Variants in AGAP4 observed in about 807,000 individuals in gnomAD.
The protein encoded by AGAP4 is ArfGAP with GTPase domain, ankyrin repeat and PH domain 4.
In AGAP4, 13 loss-of-function variants were observed where a neutral mutation model predicts 60.7. That is an observed-to-expected ratio of 0.21 (90% CI 0.14 to 0.34). The LOEUF (loss-of-function observed/expected upper bound fraction) is 0.34. Ranked by LOEUF, AGAP4 falls within the 10% of genes least tolerant of loss-of-function variation. The pLI is 1.00. For synonymous variants in AGAP4, 70 were observed against 339.0 expected, an observed-to-expected ratio of 0.21 and a Z score of 8.72; for missense variants, 169 against 884.0, an observed-to-expected ratio of 0.19 and a Z score of 10.26.
At chr10:45,851,092 T>C (rs1293657583), upstream of AGAP4, among the ~76,000 whole-genome samples, 1 of 150,646 alleles carries the variant, frequency 6.6e-6, no homozygotes, top group Non-Finnish European at 1.5e-5. Context: ...AGCTAATACA[T>C]GAAAAAAAAA....
chr10:45,842,649 C>A (rs1371440835), intron 3 of AGAP4, among the ~76,000 whole-genome samples: 7 of 147,254 alleles, frequency 4.8e-5, no homozygotes, highest in African/African-American at 1.3e-4. Context: ...ATAAAAGCCC[C>A]AAGAGGGACT....
At chr10:45,829,890 A>T (rs1223521243) in intron 6 of AGAP4, among the ~76,000 whole-genome samples, 1 of 150,114 alleles carries the variant, frequency 6.7e-6, no homozygotes, top group African/African-American at 2.4e-5. Context: ...ACTAAAAGTG[A>T]TTTTTGACAC....
At chr10:45,829,808 C>A (rs1171716877) in intron 6 of AGAP4, among the ~76,000 whole-genome samples, 2 of 150,736 alleles carry the variant, frequency 1.3e-5, no homozygotes, top group Non-Finnish European at 3.0e-5. Flanking sequence ...CTTTGAAAAA[C>A]TTGTTCCTTC....
intron 4 of AGAP4, among the ~76,000 whole-genome samples, chr10:45,837,729 C>A (rs1446584333): frequency 2.0e-5 from 3 of 151,402 alleles, no homozygotes; most frequent in African/African-American, 7.3e-5. Context: ...CAAGATGGAT[C>A]AAGGACATAA....
At chr10:45,834,898 T>C (rs1425945759) in intron 4 of AGAP4, among the ~76,000 whole-genome samples, 3 of 146,102 alleles carry the variant, frequency 2.1e-5, no homozygotes, top group Non-Finnish European at 3.0e-5. Context: ...CTCAGCCTCC[T>C]GAGTAGCTGG....
At chr10:45,832,495 T>C (rs1212256927) in intron 5 of AGAP4, among the ~76,000 whole-genome samples, 62 of 145,906 alleles carry the variant, frequency 4.2e-4, no homozygotes, top group African/African-American at 1.4e-3. Flanking sequence ...TAGTATTGGG[T>C]ATGGCTTTGG....
upstream of AGAP4, among the ~76,000 whole-genome samples, chr10:45,851,850 T>A (rs2059087371): frequency 6.6e-6 from 1 of 151,230 alleles, no homozygotes; most frequent in African/African-American, 2.4e-5. Context: ...CATGTGACTC[T>A]AGAGATATTT....
intron 4 of AGAP4, among the ~76,000 whole-genome samples, chr10:45,838,070 G>C (rs1234881842): frequency 1.3e-5 from 2 of 150,064 alleles, no homozygotes; most frequent in Non-Finnish European, 2.9e-5. Context: ...AAGAAACCGT[G>C]ATATACATAC....
At chr10:45,841,381 C>G in intron 4 of AGAP4, 1 of 332,736 alleles carries the variant, frequency 3.0e-6, no homozygotes, top group Non-Finnish European at 5.6e-6. Flanking sequence ...TGATTACAGA[C>G]GTTAGCCACC....
At chr10:45,847,968 AG>A, upstream of AGAP4, 2 of 1,029,922 alleles carry the variant, frequency 1.9e-6, no homozygotes, top group Non-Finnish European at 2.3e-6. Context: ...AGAAAAGCAA[AG>A]GGTAGTTCAT....
intron 6 of AGAP4, among the ~76,000 whole-genome samples, chr10:45,829,811 G>C (rs4123163): frequency 3.3e-5 from 5 of 150,698 alleles, no homozygotes; most frequent in Non-Finnish European, 5.9e-5. Flanking sequence ...TGAAAAACTT[G>C]TTCCTTCTAC....
chr10:45,839,954 G>GA (rs1174085469), intron 4 of AGAP4, among the ~76,000 whole-genome samples: 8 of 149,610 alleles, frequency 5.3e-5, no homozygotes, highest in African/African-American at 1.5e-4. Flanking sequence ...AATACAAGGG[G>GA]AAAAATTAAA....
intron 1 of AGAP4, 51 bp downstream of exon 1, chr10:45,847,074 A>G: frequency 6.3e-7 from 1 of 1,597,472 alleles, no homozygotes; most frequent in Non-Finnish European, 8.5e-7. Context: ...CCTTGGGGAC[A>G]GTAGCAGCCA....
rs1452827378 is a variant in AGAP4, at chr10:45,840,068, T to C, written c.396+1585A>G. 1.3e-5 allele frequency among the ~76,000 whole-genome samples: 2 copies of C among 149,336 alleles called. 1 individual carries two copies. Among genetic ancestry groups the C allele is most frequent in the Non-Finnish European group, 3.0e-5 (2 of 67,642 alleles). On this transcript the variant is annotated intron_variant, in intron 4 of 7. Coordinates refer to ENST00000616763, the MANE Select transcript of AGAP4 (RefSeq NM_001276343.3). ...AAAAAAAAAAATTCTCAAGAAGAGATAGTCTGCAGGTTTAGTAGCCTCAAT... is the reference window on the plus strand; with the variant it reads ...AAAAAAAAAAATTCTCAAGAAGAGACAGTCTGCAGGTTTAGTAGCCTCAAT...
upstream of AGAP4, among the ~76,000 whole-genome samples, chr10:45,852,206 C>T (rs1228619752): frequency 3.0e-4 from 38 of 127,408 alleles, no homozygotes; most frequent in African/African-American, 8.8e-4. Context: ...CCACTGCACC[C>T]GGCCAGACTT....
chr10:45,834,701 A>G (rs2058787441), intron 4 of AGAP4, among the ~76,000 whole-genome samples: 1 of 128,696 alleles, frequency 7.8e-6, no homozygotes, highest in African/African-American at 3.3e-5. Flanking sequence ...AAAAAAAAGA[A>G]AAGTTTAAAA....
chr10:45,839,589 G>C (rs1346666836), intron 4 of AGAP4, among the ~76,000 whole-genome samples: 1 of 128,202 alleles, frequency 7.8e-6, no homozygotes, highest in Admixed American at 7.7e-5. Flanking sequence ...AAAACTGGGA[G>C]ATCCTTCTCA....
chr10:45,843,999 A>C (rs1590037148), intron 3 of AGAP4, among the ~76,000 whole-genome samples: 1 of 149,952 alleles, frequency 6.7e-6, no homozygotes, highest in East Asian at 1.9e-4. Flanking sequence ...GGAGCAAGGG[A>C]AAAGGGATTG....
At chr10:45,829,928 G>A (rs1361654070) in intron 6 of AGAP4, among the ~76,000 whole-genome samples, 13 of 148,802 alleles carry the variant, frequency 8.7e-5, no homozygotes, top group African/African-American at 2.7e-4. Flanking sequence ...TATATTCCAA[G>A]TAACTAATGC....
Sources: allele counts gnomAD v4.1 joint callset (sites outside exome capture counted in the v4.1 genomes callset), GRCh38; gene constraint gnomAD v4.1.1; transcripts MANE v1.5; gene names NCBI Gene and HGNC (gene_info 2026-07-23, HGNC 2026-07-21).